Variants in UNC13C observed in about 807,000 individuals in gnomAD.
The protein encoded by UNC13C is protein unc-13 homolog C.
In UNC13C, 174 loss-of-function variants were observed where a neutral mutation model predicts 245.4. That is an observed-to-expected ratio of 0.71 (90% CI 0.63 to 0.80). UNC13C has a LOEUF of 0.80. Ranked by LOEUF, UNC13C falls within the 30% of genes least tolerant of loss-of-function variation. The pLI is 0.00. For synonymous variants in UNC13C, 992 were observed against 895.1 expected, an observed-to-expected ratio of 1.11 and a Z score of -1.93; for missense variants, 2,829 against 2,602.9, an observed-to-expected ratio of 1.09 and a Z score of -1.89.
At chr15:54,234,863 A>G (rs1235219188) in intron 4 of UNC13C, among the ~76,000 whole-genome samples, 167 bp from the exon 5 acceptor site, 1 of 151,980 alleles carries the variant, frequency 6.6e-6, no homozygotes, top group Non-Finnish European at 1.5e-5. Context: ...TTTTTTCCTC[A>G]CTCAACAAAG....
rs1595797210 is a variant in UNC13C, at chr15:54,065,043, G to A, written c.2983+49157G>A. Among the ~76,000 whole-genome samples, 4 of 152,270 alleles carry A rather than the reference G, an allele frequency of 2.6e-5. No homozygotes were observed. In the East Asian group the frequency reaches 5.8e-4, roughly 22 times the overall value. On this transcript the variant is annotated intron_variant, in intron 2 of 32. Coordinates refer to ENST00000260323, the MANE Select transcript of UNC13C (RefSeq NM_001080534.3). ...ACCCCAATGGTATCCTTGGAATTCT[G>A]AGCCAATATCTAGATCTCCAAATTA...
At chr15:54,346,043 A>G (rs1456594476) in intron 17 of UNC13C, among the ~76,000 whole-genome samples, 1 of 152,040 alleles carries the variant, frequency 6.6e-6, no homozygotes, top group East Asian at 1.9e-4. Flanking sequence ...TCGGTTCTCT[A>G]TTCTCATAAT....
intron 19 of UNC13C, among the ~76,000 whole-genome samples, chr15:54,472,886 A>T (rs1358209556): frequency 1.3e-5 from 2 of 151,672 alleles, no homozygotes; most frequent in African/African-American, 4.8e-5. Flanking sequence ...ATATTTGGGG[A>T]GTCGGACATG....
At chr15:54,216,996 A>G (rs933775308) in intron 4 of UNC13C, among the ~76,000 whole-genome samples, 4 of 151,978 alleles carry the variant, frequency 2.6e-5, no homozygotes, top group African/African-American at 9.7e-5. Flanking sequence ...TTAGAGTACT[A>G]TGTGTTGTTT....
Position 54,143,652 on chromosome 15 carries a change from T to C in UNC13C, c.3039T>C (p.Ala1013=). 6.2e-7 allele frequency: 1 copy of C among 1,613,390 alleles called. No individual in the cohort carries two copies. The highest frequency in any genetic ancestry group is 8.5e-7 in the Non-Finnish European group (1 of 1,179,456). Residue 1013 remains alanine (A), a synonymous_variant, in exon 4 of 33, where the codon GCT becomes GCC. Transcript: ENST00000260323. The part of the protein sequence containing the change: ...ARIVSGNDLD[A]SKFSALQVCG... Reference sequence around the variant, plus strand: ...TAGTAAGTGGCAATGATTTGGATGCTTCCAAATTTTCTGCACTCCAGGTGT... The same window carrying C: ...TAGTAAGTGGCAATGATTTGGATGCCTCCAAATTTTCTGCACTCCAGGTGT...
At chr15:54,451,688 T>A (rs1402863007) in intron 19 of UNC13C, among the ~76,000 whole-genome samples, 1 of 152,212 alleles carries the variant, frequency 6.6e-6, no homozygotes, top group African/African-American at 2.4e-5. Flanking sequence ...TTTGTATTAG[T>A]TATCTGTATT....
At position 54,014,689 on chromosome 15, in the gene UNC13C, A is replaced by G; in HGVS notation, c.1786A>G (p.Thr596Ala). 6.2e-7 allele frequency: 1 copy of G among 1,613,726 alleles called. No homozygotes were observed. The highest frequency in any genetic ancestry group is 8.5e-7 in the Non-Finnish European group (1 of 1,179,832). Residue 596 changes from threonine to alanine, a missense_variant, in exon 2 of 33, where the codon ACC becomes GCC. Thr to Ala is a moderately conservative substitution (Grantham distance 58). Transcript: ENST00000260323. ...GCAGAGGAAACAGGAAGGAACAGCG[A>G]CCCTGTATGACAGTCCCAAGGACCA... ...LWQRKQEGTA[T>A]LYDSPKDQHL... is the part of the protein sequence containing the mutation.
intron 10 of UNC13C, among the ~76,000 whole-genome samples, chr15:54,282,329 A>G (rs867163064): frequency 3.3e-5 from 5 of 152,158 alleles, no homozygotes; most frequent in Non-Finnish European, 4.4e-5. Flanking sequence ...ATGATGTGGG[A>G]TATTTCTCAG....
intron 16 of UNC13C, among the ~76,000 whole-genome samples, chr15:54,337,548 T>A (rs1291526123): frequency 1.3e-5 from 2 of 152,140 alleles, no homozygotes; most frequent in Non-Finnish European, 2.9e-5. Context: ...AGTCATCCAG[T>A]CTGTCAGAAA....
chr15:54,130,993 A>G (rs12591638), intron 2 of UNC13C, among the ~76,000 whole-genome samples: 55,845 of 151,944 alleles, frequency 0.37, 10,326 homozygotes, highest in Admixed American at 0.39. Context: ...GAACTTAGGG[A>G]CACTTGGTGG....
At chr15:54,051,290 A>G (rs1897256590) in intron 2 of UNC13C, among the ~76,000 whole-genome samples, 1 of 152,172 alleles carries the variant, frequency 6.6e-6, no homozygotes, top group Non-Finnish European at 1.5e-5. Context: ...ATTCTGACAT[A>G]TGGTATAAGG....
chr15:54,299,049 G>A (rs1027396666), intron 12 of UNC13C, among the ~76,000 whole-genome samples: 1 of 152,076 alleles, frequency 6.6e-6, no homozygotes, highest in Non-Finnish European at 1.5e-5. Flanking sequence ...TGTGGTTAGT[G>A]ATATTATTCC....
At chr15:54,449,584 G>T (rs540888945) in intron 19 of UNC13C, among the ~76,000 whole-genome samples, 2 of 152,162 alleles carry the variant, frequency 1.3e-5, no homozygotes, top group Admixed American at 6.5e-5. Flanking sequence ...TGAAGCTTGT[G>T]CATTCATCAC....
In UNC13C at chr15:54,185,159, C is replaced by A. The variant is rs549676903; in HGVS notation, c.3071+41475C>A. Among the ~76,000 whole-genome samples, 49 of 151,822 alleles carry A rather than the reference C, an allele frequency of 3.2e-4. 1 individual carries two copies. In the South Asian group the frequency reaches 8.3e-3, roughly 26 times the overall value. ...AATTTGTTTGAGTTCATTGTAGATT[C>A]TGGATATTAGCCCTTTGTCAGATGA... On this transcript the variant is annotated intron_variant, in intron 4 of 32. Coordinates refer to ENST00000260323, the MANE Select transcript of UNC13C (RefSeq NM_001080534.3).
In UNC13C at chr15:54,278,759, T is replaced by C. The variant is rs1056007030; in HGVS notation, c.3818+13263T>C. Among the ~76,000 whole-genome samples the C allele has an allele frequency of 4.6e-5, 7 of 152,266 alleles. No homozygotes were observed. The East Asian group carries it at 1.2e-3, about 25-fold the overall frequency. On this transcript the variant is annotated intron_variant, in intron 10 of 32. Coordinates refer to ENST00000260323, the MANE Select transcript of UNC13C (RefSeq NM_001080534.3). ...AACTGGTCATTACACAATCGAGCCA[T>C]GTGAAATTCTTGACATTTGACCCTT...
At chr15:54,213,261 G>A (rs1278352084) in intron 4 of UNC13C, among the ~76,000 whole-genome samples, 2 of 151,772 alleles carry the variant, frequency 1.3e-5, no homozygotes, top group Non-Finnish European at 2.9e-5. Flanking sequence ...TTTTAAAAAT[G>A]AAAAGAATTC....
At chr15:54,404,253 A>G (rs1030791154) in intron 18 of UNC13C, among the ~76,000 whole-genome samples, 1 of 152,194 alleles carries the variant, frequency 6.6e-6, no homozygotes, top group Non-Finnish European at 1.5e-5. Context: ...TTGCATATCA[A>G]AATAATACTT....
intron 1 of UNC13C, among the ~76,000 whole-genome samples, chr15:54,001,097 T>C (rs1439608267): frequency 6.6e-6 from 1 of 152,232 alleles, no homozygotes; most frequent in Non-Finnish European, 1.5e-5. Context: ...AAGTTCTGTT[T>C]GTAGCTGAGC....
intron 30 of UNC13C, among the ~76,000 whole-genome samples, chr15:54,569,953 T>C (rs1158555642): frequency 6.6e-6 from 1 of 152,006 alleles, no homozygotes. Flanking sequence ...TCACCAGACA[T>C]GTTCAGGCCC....
Sources: allele counts gnomAD v4.1 joint callset (sites outside exome capture counted in the v4.1 genomes callset), GRCh38; gene constraint gnomAD v4.1.1; transcripts MANE v1.5; gene names NCBI Gene and HGNC (gene_info 2026-07-23, HGNC 2026-07-21).